NRXN1: variants seen among roughly 807,000 people sequenced by gnomAD.
NRXN1 encodes the protein neurexin-1.
A neutral mutation model predicts 150.9 loss-of-function variants in NRXN1; 39 were observed. That is an observed-to-expected ratio of 0.26 (90% CI 0.20 to 0.34). The LOEUF (loss-of-function observed/expected upper bound fraction) is 0.34, where lower values mean the gene tolerates loss of function less well. Ranked by LOEUF, NRXN1 falls within the 10% of genes least tolerant of loss-of-function variation. The pLI is 1.00. For synonymous variants in NRXN1, 924 were observed against 757.0 expected (o/e 1.22, Z -3.62); for missense variants, 1,815 against 1,949.9 (o/e 0.93, Z 1.30).
At chr2:50,528,674 A>G (rs1216081615) in intron 11 of NRXN1, 23 bp from the exon 12 acceptor site, 2 of 1,507,892 alleles carry the variant, frequency 1.3e-6, no homozygotes, top group Non-Finnish European at 1.8e-6. Context: ...GAATAGATGA[A>G]AAATGAAAAT....
At chr2:50,760,557 T>G (rs1701688929) in intron 5 of NRXN1, among the ~76,000 whole-genome samples, 1 of 151,870 alleles carries the variant, frequency 6.6e-6, no homozygotes, top group African/African-American at 2.4e-5. Flanking sequence ...TATCGCCTTT[T>G]CTACTGCCAC....
chr2:50,954,814 C>G (rs189656101), intron 2 of NRXN1, among the ~76,000 whole-genome samples: 12 of 152,230 alleles, frequency 7.9e-5, no homozygotes, highest in Non-Finnish European at 1.6e-4. Context: ...TTACTAAAAC[C>G]AGAATTCACT....
intron 17 of NRXN1, among the ~76,000 whole-genome samples, chr2:50,447,118 A>T (rs1456846391): frequency 6.6e-6 from 1 of 151,974 alleles, no homozygotes; most frequent in Non-Finnish European, 1.5e-5. Context: ...TGATACTTTG[A>T]CCCCAAACTA....
intron 18 of NRXN1, among the ~76,000 whole-genome samples, chr2:50,148,363 T>C (rs1380166552): frequency 6.6e-6 from 1 of 151,516 alleles, no homozygotes; most frequent in East Asian, 1.9e-4. Flanking sequence ...GAAGTCTCTA[T>C]AAGGAGTATG....
At chr2:50,029,557 C>T (rs368137577) in intron 21 of NRXN1, among the ~76,000 whole-genome samples, 58 of 152,224 alleles carry the variant, frequency 3.8e-4, no homozygotes, top group African/African-American at 1.2e-3. Context: ...CCATCCTACA[C>T]GCAGGAACTA....
intron 22 of NRXN1, among the ~76,000 whole-genome samples, chr2:49,934,867 G>C (rs1375834222): frequency 1.3e-5 from 2 of 151,900 alleles, no homozygotes; most frequent in Admixed American, 6.6e-5. Context: ...CAGATGATAC[G>C]TGCCCTCCTC....
At chr2:50,542,146 TG>T (rs1321868703) in intron 9 of NRXN1, among the ~76,000 whole-genome samples, 3 of 152,074 alleles carry the variant, frequency 2.0e-5, no homozygotes, top group Non-Finnish European at 4.4e-5. Context: ...CCGGGCACGG[TG>T]GTGCATGCCT....
intron 18 of NRXN1, among the ~76,000 whole-genome samples, chr2:50,148,169 T>A (rs1040371661): frequency 6.6e-6 from 1 of 150,642 alleles, no homozygotes; most frequent in Non-Finnish European, 1.5e-5. Flanking sequence ...GTGAAACTAA[T>A]TTTTTTTTAA....
intron 17 of NRXN1, among the ~76,000 whole-genome samples, chr2:50,453,359 C>A (rs906267803): frequency 6.6e-6 from 1 of 152,120 alleles, no homozygotes; most frequent in Non-Finnish European, 1.5e-5. Flanking sequence ...CAGGTACCAC[C>A]GTTTGGGAAT....
intron 21 of NRXN1, among the ~76,000 whole-genome samples, chr2:49,953,453 A>G (rs1674337547): frequency 6.6e-6 from 1 of 151,674 alleles, no homozygotes; most frequent in African/African-American, 2.4e-5. Context: ...ACACTTGACT[A>G]CTTCATTCCT....
intron 18 of NRXN1, among the ~76,000 whole-genome samples, chr2:50,105,957 T>A (rs574089136): frequency 6.6e-6 from 1 of 151,854 alleles, no homozygotes; most frequent in African/African-American, 2.4e-5. Flanking sequence ...AAAATATGAA[T>A]TGATCCATTA....
chr2:50,821,969 G>A (rs763951681), intron 5 of NRXN1, among the ~76,000 whole-genome samples: 14 of 151,912 alleles, frequency 9.2e-5, no homozygotes, highest in Admixed American at 5.9e-4. Flanking sequence ...TGAAAAGGAC[G>A]TATACTCACA....
At chr2:50,323,602 G>T (rs1183794189) in intron 17 of NRXN1, among the ~76,000 whole-genome samples, 1 of 149,856 alleles carries the variant, frequency 6.7e-6, no homozygotes, top group Non-Finnish European at 1.5e-5. Context: ...TAACTTAGCA[G>T]ATTCAAATTT....
chr2:50,226,211 G>GA (rs2064358968), intron 18 of NRXN1, among the ~76,000 whole-genome samples: 1 of 151,896 alleles, frequency 6.6e-6, no homozygotes, highest in Admixed American at 6.6e-5. Context: ...ATGCATATTA[G>GA]ATGGACTTAC....
rs370427223 is a variant in NRXN1 at position 50,338,288 on chromosome 2, C to A, written c.3365-101318G>T. 5.3e-5 allele frequency among the ~76,000 whole-genome samples: 8 copies of A among 152,246 alleles called. No individual in the cohort carries two copies. The East Asian group carries it at 1.5e-3, about 29-fold the overall frequency. ...TAGCTTAGACTATTGAGGAAAGTTT[C>A]TCTGCTTCACCTTCAGAAATATGGA... On this transcript the variant is annotated intron_variant, in intron 17 of 22. Transcript: ENST00000401669.
chr2:50,609,161 A>C (rs982861192), intron 8 of NRXN1, among the ~76,000 whole-genome samples: 1 of 152,142 alleles, frequency 6.6e-6, no homozygotes, highest in Non-Finnish European at 1.5e-5. Context: ...TTTTCTCACA[A>C]AGCTCTTAGA....
At chr2:50,345,849 A>G (rs968914391) in intron 17 of NRXN1, among the ~76,000 whole-genome samples, 1 of 152,200 alleles carries the variant, frequency 6.6e-6, no homozygotes, top group Non-Finnish European at 1.5e-5. Flanking sequence ...CCTTCCTGGA[A>G]AGCATTAATC....
intron 2 of NRXN1, among the ~76,000 whole-genome samples, chr2:50,987,189 T>C (rs980364107): frequency 6.6e-6 from 1 of 152,026 alleles, no homozygotes; most frequent in East Asian, 1.9e-4. Context: ...GTTCTTCATA[T>C]GTTGACTACT....
chr2:50,438,140 C>T (rs1449382369), intron 17 of NRXN1, among the ~76,000 whole-genome samples: 1 of 152,178 alleles, frequency 6.6e-6, no homozygotes. Flanking sequence ...TTTCCCAGGT[C>T]ATGGCCAGGA....
Sources: gnomAD v4.1 joint callset for allele counts (sites outside exome capture counted in the v4.1 genomes callset) on GRCh38, gnomAD v4.1.1 for gene constraint, MANE v1.5 for transcripts, NCBI Gene and HGNC (gene_info 2026-07-23, HGNC 2026-07-21) for gene names.